GALNTL6: variants seen among roughly 807,000 people sequenced by gnomAD.
The protein encoded by GALNTL6 is polypeptide N-acetylgalactosaminyltransferase like 6.
Under a neutral mutation model 73.7 loss-of-function variants are expected in GALNTL6, and 46 were observed. That is an observed-to-expected ratio of 0.62 (90% CI 0.49 to 0.80). GALNTL6 has a LOEUF of 0.80. Ranked by LOEUF, GALNTL6 falls within the 30% of genes least tolerant of loss-of-function variation. The pLI is 0.00. For synonymous variants in GALNTL6, 259 were observed against 263.7 expected, an observed-to-expected ratio of 0.98 and a Z score of 0.17; for missense variants, 604 against 755.0, an observed-to-expected ratio of 0.80 and a Z score of 2.34.
chr4:172,313,836 AG>A (rs1740451345), intron 4 of GALNTL6, among the ~76,000 whole-genome samples: 1 of 152,208 alleles, frequency 6.6e-6, no homozygotes, highest in Non-Finnish European at 1.5e-5. Flanking sequence ...AAACCTTGAG[AG>A]GGTTTGAGAT....
At chr4:172,421,816 C>T (rs1018484088) in intron 5 of GALNTL6, among the ~76,000 whole-genome samples, 5 of 152,144 alleles carry the variant, frequency 3.3e-5, no homozygotes, top group African/African-American at 7.2e-5. Context: ...TCTCCCATGG[C>T]TCCTGAATAT....
chr4:172,775,705 A>T (rs1209451569), intron 5 of GALNTL6, among the ~76,000 whole-genome samples: 1 of 152,132 alleles, frequency 6.6e-6, no homozygotes, highest in Non-Finnish European at 1.5e-5. Flanking sequence ...TTTTGAATGC[A>T]GGTAGAGCCT....
chr4:172,309,910 G>A (rs1436787157), intron 3 of GALNTL6, among the ~76,000 whole-genome samples: 1 of 151,944 alleles, frequency 6.6e-6, no homozygotes, highest in African/African-American at 2.4e-5. Flanking sequence ...CTAAAAGAAT[G>A]AAAATTGTAT....
intron 10 of GALNTL6, among the ~76,000 whole-genome samples, chr4:172,975,508 T>C (rs1335292907): frequency 6.6e-6 from 1 of 152,168 alleles, no homozygotes; most frequent in Admixed American, 6.5e-5. Flanking sequence ...AATGGCACCA[T>C]AAGTTCTCAT....
chr4:172,049,202 T>G (rs1419693662), intron 2 of GALNTL6, among the ~76,000 whole-genome samples: 2 of 151,804 alleles, frequency 1.3e-5, no homozygotes, highest in East Asian at 3.9e-4. Context: ...TAGTTTGATT[T>G]GTAAAATACT....
At chr4:173,029,174 C>T (rs1753355281) in intron 12 of GALNTL6, among the ~76,000 whole-genome samples, 1 of 152,156 alleles carries the variant, frequency 6.6e-6, no homozygotes, top group African/African-American at 2.4e-5. Flanking sequence ...TGTAATTCAA[C>T]TCTGGTTCTG....
At chr4:172,095,362 G>A (rs1456842363) in intron 2 of GALNTL6, among the ~76,000 whole-genome samples, 2 of 152,128 alleles carry the variant, frequency 1.3e-5, no homozygotes, top group Non-Finnish European at 2.9e-5. Flanking sequence ...TCCAGCCTGT[G>A]AGTAAGCGCG....
intron 10 of GALNTL6, among the ~76,000 whole-genome samples, chr4:172,965,195 C>T (rs1750267177): frequency 6.6e-6 from 1 of 152,196 alleles, no homozygotes; most frequent in Non-Finnish European, 1.5e-5. Flanking sequence ...AATGTAAGAA[C>T]ACATAAAGAA....
At chr4:172,322,541 G>A (rs1181511488) in intron 4 of GALNTL6, among the ~76,000 whole-genome samples, 3 of 152,118 alleles carry the variant, frequency 2.0e-5, no homozygotes, top group African/African-American at 7.2e-5. Context: ...GGTTCTGCAG[G>A]CTGTACAGGA....
At chr4:172,299,606 T>G (rs1471433904) in intron 3 of GALNTL6, among the ~76,000 whole-genome samples, 1 of 152,264 alleles carries the variant, frequency 6.6e-6, no homozygotes, top group African/African-American at 2.4e-5. Flanking sequence ...TCTTTATTTC[T>G]GCCTTCATTT....
intron 2 of GALNTL6, among the ~76,000 whole-genome samples, chr4:172,084,608 G>T (rs1255584508): frequency 6.6e-6 from 1 of 152,122 alleles, no homozygotes; most frequent in Non-Finnish European, 1.5e-5. Context: ...CAAAGGATTT[G>T]TTCTTTGTTT....
At chr4:173,003,299 C>T (rs531146189) in intron 10 of GALNTL6, among the ~76,000 whole-genome samples, 33 of 152,042 alleles carry the variant, frequency 2.2e-4, no homozygotes, top group Non-Finnish European at 3.5e-4. Context: ...TTTGGTGTGG[C>T]GCTCAAATTG....
chr4:172,489,590 T>C (rs553483717), intron 5 of GALNTL6, among the ~76,000 whole-genome samples: 19 of 152,304 alleles, frequency 1.2e-4, no homozygotes, highest in African/African-American at 4.3e-4. Context: ...TTAATACTAG[T>C]GTCATTATCT....
chr4:172,313,567 C>A (rs1740439358), intron 4 of GALNTL6, among the ~76,000 whole-genome samples: 1 of 151,698 alleles, frequency 6.6e-6, no homozygotes, highest in African/African-American at 2.4e-5. Context: ...GTGTGAACAC[C>A]ATCTTTTAAG....
chr4:172,807,038 TTTGA>T (rs1741001359), intron 5 of GALNTL6, among the ~76,000 whole-genome samples: 1 of 152,214 alleles, frequency 6.6e-6, no homozygotes, highest in African/African-American at 2.4e-5. Flanking sequence ...AGTCATTGCC[TTTGA>T]TTGTGCAGTG....
At chr4:173,011,106 C>A (rs1033131669) in intron 11 of GALNTL6, among the ~76,000 whole-genome samples, 2 of 152,086 alleles carry the variant, frequency 1.3e-5, no homozygotes, top group African/African-American at 4.8e-5. Flanking sequence ...CTTTGATGAT[C>A]GATAATCTTG....
At chr4:172,368,853 A>T (rs1038274192) in intron 5 of GALNTL6, among the ~76,000 whole-genome samples, 4 of 152,092 alleles carry the variant, frequency 2.6e-5, no homozygotes, top group African/African-American at 7.2e-5. Context: ...AGATGTTCAG[A>T]TGTGTCTGGA....
chr4:172,733,888 G>A (rs1736299649), intron 5 of GALNTL6, among the ~76,000 whole-genome samples: 1 of 152,222 alleles, frequency 6.6e-6, no homozygotes, highest in Non-Finnish European at 1.5e-5. Flanking sequence ...ACCTGAAAAT[G>A]TGGAAGCGAC....
intron 5 of GALNTL6, among the ~76,000 whole-genome samples, chr4:172,756,301 A>G (rs551397499): frequency 6.6e-6 from 1 of 152,362 alleles, no homozygotes; most frequent in East Asian, 1.9e-4. Context: ...AAATAATCAT[A>G]GAACAACACT....
Sources: gnomAD v4.1 joint callset for allele counts (sites outside exome capture counted in the v4.1 genomes callset) on GRCh38, gnomAD v4.1.1 for gene constraint, MANE v1.5 for transcripts, NCBI Gene and HGNC (gene_info 2026-07-23, HGNC 2026-07-21) for gene names.